Variants in PCSK5 observed in about 807,000 individuals in gnomAD.
PCSK5 encodes prohormone convertase 5.
PCSK5 carries 129 observed loss-of-function variants against 233.2 expected under a neutral mutation model. The ratio of observed to expected loss-of-function variants is 0.55; its 90% CI spans 0.48 to 0.64. The LOEUF is 0.64. PCSK5 is among the 30% of genes least tolerant of loss of function. The probability of loss-of-function intolerance (pLI) is 0.00; values close to 1 mark genes in which losing one functional copy is unlikely to be tolerated. For synonymous variants in PCSK5, 825 were observed against 879.2 expected (o/e 0.94, Z 1.09); for missense variants, 2,076 against 2,430.1 (o/e 0.85, Z 3.06).
chr9:75,929,706 A>T (rs1034528630), intron 1 of PCSK5, among the ~76,000 whole-genome samples: 1 of 152,140 alleles, frequency 6.6e-6, no homozygotes, highest in Admixed American at 6.5e-5. Context: ...GACAATTTAC[A>T]AAGGAAAGAG....
Position 76,096,190 on chromosome 9 carries a change from T to TACACAC in PCSK5, c.1107+108_1107+113dup, listed in dbSNP as rs3074177. 2,979 of 591,324 alleles carry TACACAC rather than the reference T, an allele frequency of 5.0e-3. 17 individuals carry two copies. The highest frequency in any genetic ancestry group is 0.041 in the East Asian group (1,413 of 34,356). The allele number at this position is 591,324 out of a possible 1,614,324, so 36.6% of individuals were successfully genotyped here. A position where few individuals can be genotyped will look rare whatever the true frequency, so the allele number is the denominator to read the frequency against. On this transcript the variant is annotated intron_variant, in intron 8 of 37. Coordinates refer to ENST00000674117, the MANE Select transcript of PCSK5 (RefSeq NM_001372043.1). ...GGAGAACCATAAACATATATATATA[T>TACACAC]ACACACACACACACACACACACACA...
intron 34 of PCSK5, among the ~76,000 whole-genome samples, chr9:76,333,189 A>G (rs1256248773): frequency 6.6e-6 from 1 of 152,170 alleles, no homozygotes; most frequent in East Asian, 1.9e-4. Flanking sequence ...AAAAATTAAA[A>G]CAATTTGGCA....
At chr9:75,964,715 T>C (rs1456786155) in intron 2 of PCSK5, among the ~76,000 whole-genome samples, 6 of 152,246 alleles carry the variant, frequency 3.9e-5, no homozygotes, top group African/African-American at 7.2e-5. Context: ...GTTTGATGAA[T>C]GCCTTTGTTA....
At chr9:76,171,295 C>T (rs932231524) in intron 13 of PCSK5, among the ~76,000 whole-genome samples, 11 of 152,232 alleles carry the variant, frequency 7.2e-5, no homozygotes, top group African/African-American at 1.4e-4. Context: ...ATAGGTGAAA[C>T]GGAAGCATGG....
At chr9:76,049,908 G>T (rs1274998201) in intron 5 of PCSK5, among the ~76,000 whole-genome samples, 1 of 152,034 alleles carries the variant, frequency 6.6e-6, no homozygotes, top group African/African-American at 2.4e-5. Flanking sequence ...ATATTGAATG[G>T]TATCTTTATT....
chr9:76,057,458 A>G (rs569700586), intron 5 of PCSK5, among the ~76,000 whole-genome samples: 1 of 152,300 alleles, frequency 6.6e-6, no homozygotes, highest in South Asian at 2.1e-4. Flanking sequence ...AATTGAGCTA[A>G]CCATTTGGAC....
chr9:76,268,135 A>C (rs1372853935), intron 24 of PCSK5, among the ~76,000 whole-genome samples: 5 of 152,232 alleles, frequency 3.3e-5, no homozygotes, highest in African/African-American at 9.7e-5. Flanking sequence ...GCTTCTCTAG[A>C]CAAATCAGCT....
chr9:76,219,672 C>G (rs539611126), intron 20 of PCSK5, among the ~76,000 whole-genome samples: 69 of 152,262 alleles, frequency 4.5e-4, no homozygotes, highest in African/African-American at 1.7e-3. Flanking sequence ...GTCGTGCTCA[C>G]TCATGGGAAG....
At chr9:76,145,937 A>G (rs1823425159) in intron 10 of PCSK5, among the ~76,000 whole-genome samples, 2 of 152,214 alleles carry the variant, frequency 1.3e-5, no homozygotes, top group African/African-American at 4.8e-5. Flanking sequence ...ATGACTTCCA[A>G]GGCCAGTGCA....
intron 5 of PCSK5, among the ~76,000 whole-genome samples, chr9:76,038,723 G>T (rs1828968831): frequency 6.6e-6 from 1 of 152,172 alleles, no homozygotes; most frequent in African/African-American, 2.4e-5. Flanking sequence ...AAAGAGGGAA[G>T]GGAAATCCCC....
At chr9:76,353,436 C>T (rs1331453591) in intron 36 of PCSK5, among the ~76,000 whole-genome samples, 1 of 152,172 alleles carries the variant, frequency 6.6e-6, no homozygotes, top group Non-Finnish European at 1.5e-5. Flanking sequence ...AACATAAATG[C>T]TGGGTCAAAG....
At chr9:76,252,782 T>C (rs939092604) in intron 24 of PCSK5, among the ~76,000 whole-genome samples, 1 of 152,224 alleles carries the variant, frequency 6.6e-6, no homozygotes, top group African/African-American at 2.4e-5. Flanking sequence ...TTACTCTTAC[T>C]ACTCCATCTT....
At chr9:76,054,994 C>A (rs1829769917) in intron 5 of PCSK5, among the ~76,000 whole-genome samples, 1 of 152,110 alleles carries the variant, frequency 6.6e-6, no homozygotes, top group Non-Finnish European at 1.5e-5. Context: ...ATATACTTTT[C>A]ATTTTTTTTC....
chr9:76,240,483 G>T, intron 23 of PCSK5, 133 bp from the exon 24 acceptor site: 1 of 660,222 alleles, frequency 1.5e-6, no homozygotes. Context: ...ATATCCTCGA[G>T]GACGGTTTTG....
chr9:76,198,303 A>G (rs556688443), intron 20 of PCSK5, among the ~76,000 whole-genome samples: 1 of 152,338 alleles, frequency 6.6e-6, no homozygotes, highest in South Asian at 2.1e-4. Context: ...CCCACTTTCT[A>G]GAAAATTCCA....
intron 5 of PCSK5, among the ~76,000 whole-genome samples, chr9:76,042,835 A>T (rs2777020): frequency 3.3e-5 from 5 of 152,054 alleles, no homozygotes; most frequent in Non-Finnish European, 7.4e-5. Context: ...ATGTTCCTTG[A>T]GATGTTTTTA....
intron 2 of PCSK5, among the ~76,000 whole-genome samples, chr9:75,935,988 A>G (rs1433031172): frequency 2.0e-5 from 3 of 152,220 alleles, no homozygotes; most frequent in Non-Finnish European, 4.4e-5. Flanking sequence ...GACCTCTTCA[A>G]TAAAGCAAAT....
chr9:76,097,246 C>CTTTTTTTTTTTTTTTTTTTTTTTTTT (rs71372046), intron 8 of PCSK5, among the ~76,000 whole-genome samples: 1 of 67,328 alleles, frequency 1.5e-5, no homozygotes, highest in Non-Finnish European at 2.5e-5. Context: ...AAGTGCATTT[C>CTTTTTTTTTTTTTTTTTTTTTTTTTT]TTTTTTTTTT....
rs749386024 is a variant in PCSK5, at chr9:76,096,091, G to A, written c.1096G>A (p.Asp366Asn). ...AACCTACAGCAGCGGGGAGTCCTAC[G>A]ATAAGAAAATCGTACGTGACATGTG... ...ATTYSSGESY[D>N]KKIITTDLRQ... Residue 366 changes from aspartate (D) to asparagine (N), a missense_variant, in exon 8 of 38, where the codon GAT (aspartate) becomes AAT (asparagine). Physicochemically the swap from Asp to Asn is conservative, Grantham distance 23. Transcript: ENST00000674117. 7.4e-6 allele frequency: 12 copies of A among 1,612,740 alleles called. No individual in the cohort carries two copies. The highest frequency in any genetic ancestry group is 9.3e-6 in the Non-Finnish European group (11 of 1,179,158).
Sources: allele counts gnomAD v4.1 joint callset (sites outside exome capture counted in the v4.1 genomes callset), GRCh38; gene constraint gnomAD v4.1.1; transcripts MANE v1.5; gene names NCBI Gene and HGNC (gene_info 2026-07-23, HGNC 2026-07-21).